Variants in PUM1 observed in about 807,000 individuals in gnomAD.
The protein encoded by PUM1 is pumilio RNA binding family member 1, also known as pumilio homolog 1.
In PUM1, 13 loss-of-function variants were observed where a neutral mutation model predicts 131.8. The observed-to-expected ratio is 0.10, with a 90% CI of 0.06 to 0.16. The LOEUF is 0.16. Ranked by LOEUF, PUM1 falls within the 10% of genes least tolerant of loss-of-function variation. The pLI is 1.00. For synonymous variants in PUM1, 509 were observed against 556.5 expected, an observed-to-expected ratio of 0.91 and a Z score of 1.20; for missense variants, 961 against 1,512.4, an observed-to-expected ratio of 0.64 and a Z score of 6.05.
chr1:30,967,417 GC>G, intron 11 of PUM1, 107 bp from the exon 12 acceptor site: 2 of 1,136,760 alleles, frequency 1.8e-6, no homozygotes, highest in Non-Finnish European at 2.5e-6. Context: ...GGTTGAATTG[GC>G]CAGATTTATA....
At chr1:30,971,108 A>T (rs1640856913) in intron 10 of PUM1, among the ~76,000 whole-genome samples, 1 of 152,222 alleles carries the variant, frequency 6.6e-6, no homozygotes, top group African/African-American at 2.4e-5. Flanking sequence ...ATGGAAACAA[A>T]ATATACAGTT....
At chr1:30,996,922 T>G (rs1304601460) in intron 5 of PUM1, among the ~76,000 whole-genome samples, 5 of 149,890 alleles carry the variant, frequency 3.3e-5, no homozygotes, top group Admixed American at 6.6e-5. Flanking sequence ...ATAAATATGA[T>G]GAAGAAAATT....
At chr1:31,043,881 A>G (rs1643895707) in intron 2 of PUM1, among the ~76,000 whole-genome samples, 1 of 152,170 alleles carries the variant, frequency 6.6e-6, no homozygotes, top group South Asian at 2.1e-4. Flanking sequence ...CCCATTTCTA[A>G]TGAGCACCTG....
At chr1:31,012,741 T>C (rs927788404) in intron 3 of PUM1, among the ~76,000 whole-genome samples, 1 of 151,958 alleles carries the variant, frequency 6.6e-6, no homozygotes, top group South Asian at 2.1e-4. Context: ...ACTTAACACT[T>C]AACAATCAAT....
chr1:31,051,930 C>G (rs1003446475), intron 2 of PUM1, among the ~76,000 whole-genome samples: 1 of 152,002 alleles, frequency 6.6e-6, no homozygotes, highest in Non-Finnish European at 1.5e-5. Context: ...AAGACTTGAC[C>G]TTAGGCTTTT....
At chr1:31,029,820 G>C (rs1459145152) in intron 2 of PUM1, among the ~76,000 whole-genome samples, 1 of 151,876 alleles carries the variant, frequency 6.6e-6, no homozygotes, top group Non-Finnish European at 1.5e-5. Flanking sequence ...AGGGTGAGGT[G>C]GGAGGATCAC....
At chr1:31,046,603 G>A (rs1162610800) in intron 2 of PUM1, among the ~76,000 whole-genome samples, 3 of 149,434 alleles carry the variant, frequency 2.0e-5, no homozygotes, top group African/African-American at 7.4e-5. Context: ...CGCCTCCGGG[G>A]TTCAAGCGAT....
Position 31,065,709 on chromosome 1 carries a change from C to T in PUM1, c.-105G>A. ...CTTACCTTTCACTCCGACAACATGGCGGCCCACTGGGGACTGGGTTGGCGC... is the reference window on the plus strand; with the variant it reads ...CTTACCTTTCACTCCGACAACATGGTGGCCCACTGGGGACTGGGTTGGCGC... On this transcript the variant is annotated 5_prime_UTR_variant, in exon 1 of 22. Transcript: ENST00000426105. The T allele has an allele frequency of 6.5e-7, 1 of 1,548,900 alleles. No homozygotes were observed. Among genetic ancestry groups the T allele is most frequent in the Non-Finnish European group, 8.7e-7 (1 of 1,146,658 alleles).
At chr1:30,972,697 C>G (rs759472772) in intron 10 of PUM1, among the ~76,000 whole-genome samples, 1 of 150,966 alleles carries the variant, frequency 6.6e-6, no homozygotes, top group Non-Finnish European at 1.5e-5. Context: ...TCACTTGAAC[C>G]CAGGAGGCAG....
chr1:31,011,938 A>G (rs1168300840), intron 3 of PUM1, among the ~76,000 whole-genome samples: 1 of 152,196 alleles, frequency 6.6e-6, no homozygotes. Context: ...AGCAAAAGAG[A>G]CCCAAGGAAT....
intron 2 of PUM1, among the ~76,000 whole-genome samples, chr1:31,040,196 A>T (rs1643773340): frequency 6.6e-6 from 1 of 152,162 alleles, no homozygotes; most frequent in Non-Finnish European, 1.5e-5. Flanking sequence ...CTGGGATCAC[A>T]GGCATGAGCC....
At chr1:31,064,732 T>G (rs981206275) in intron 1 of PUM1, among the ~76,000 whole-genome samples, 1 of 121,828 alleles carries the variant, frequency 8.2e-6, no homozygotes, top group Non-Finnish European at 1.6e-5. Flanking sequence ...CTGGTAATGC[T>G]GTGTGTGGGT....
chr1:30,999,394 G>A (rs1172646869), intron 5 of PUM1, among the ~76,000 whole-genome samples: 1 of 151,920 alleles, frequency 6.6e-6, no homozygotes, highest in African/African-American at 2.4e-5. Flanking sequence ...ATCACCTGAG[G>A]TCAGGAGTTC....
At chr1:31,001,576 T>C (rs984995100) in intron 5 of PUM1, among the ~76,000 whole-genome samples, 4 of 152,174 alleles carry the variant, frequency 2.6e-5, no homozygotes, top group Admixed American at 2.0e-4. Context: ...ATTTCCCCTC[T>C]AAGACTCAGT....
intron 10 of PUM1, among the ~76,000 whole-genome samples, chr1:30,972,854 T>G (rs988714442): frequency 2.0e-4 from 31 of 151,340 alleles, no homozygotes; most frequent in African/African-American, 7.3e-4. Flanking sequence ...CCGAGACGGG[T>G]GGATCACCTG....
chr1:31,023,166 T>G (rs1381447677), intron 3 of PUM1, among the ~76,000 whole-genome samples: 2 of 146,910 alleles, frequency 1.4e-5, no homozygotes, highest in African/African-American at 5.0e-5. Context: ...AGAGTGAAAC[T>G]CCATCTCAAA....
At chr1:30,984,731 G>A (rs1213861260) in intron 7 of PUM1, among the ~76,000 whole-genome samples, 1 of 152,082 alleles carries the variant, frequency 6.6e-6, no homozygotes, top group Non-Finnish European at 1.5e-5. Context: ...AAAGGAATCC[G>A]GGCAGCCAAA....
At chr1:31,004,624 G>A (rs1010754456) in intron 5 of PUM1, among the ~76,000 whole-genome samples, 1 of 152,026 alleles carries the variant, frequency 6.6e-6, no homozygotes, top group Non-Finnish European at 1.5e-5. Context: ...GTCTCTGCAG[G>A]GTCAAAACAC....
At chr1:31,020,220 C>T (rs1642972339) in intron 3 of PUM1, among the ~76,000 whole-genome samples, 1 of 152,144 alleles carries the variant, frequency 6.6e-6, no homozygotes, top group African/African-American at 2.4e-5. Flanking sequence ...CCAGCTGCAC[C>T]CATGTTGCTG....
Sources: allele counts gnomAD v4.1 joint callset (sites outside exome capture counted in the v4.1 genomes callset), GRCh38; gene constraint gnomAD v4.1.1; transcripts MANE v1.5; gene names NCBI Gene and HGNC (gene_info 2026-07-23, HGNC 2026-07-21).